TNS3: variants seen among roughly 807,000 people sequenced by gnomAD.
The protein encoded by TNS3 is tensin 3.
In TNS3, 45 loss-of-function variants were observed where a neutral mutation model predicts 140.9. The ratio of observed to expected loss-of-function variants is 0.32; its 90% CI spans 0.25 to 0.41. The LOEUF (loss-of-function observed/expected upper bound fraction) is 0.41, where lower values mean the gene tolerates loss of function less well. Among genes scored for constraint, TNS3 ranks in the 10% least tolerant of loss-of-function variants. The pLI is 1.00. For synonymous variants in TNS3, 815 were observed against 788.4 expected, an observed-to-expected ratio of 1.03 and a Z score of -0.56; for missense variants, 1,716 against 1,906.7, an observed-to-expected ratio of 0.90 and a Z score of 1.86.
chr7:47,520,849 G>A (rs1798948450), intron 2 of TNS3, among the ~76,000 whole-genome samples: 1 of 152,236 alleles, frequency 6.6e-6, no homozygotes. Flanking sequence ...CAACCCCAGG[G>A]TGGGGCTGGG....
At chr7:47,457,173 AGGGAG>A (rs1184307462) in intron 4 of TNS3, among the ~76,000 whole-genome samples, 3 of 1,480 alleles carry the variant, frequency 2.0e-3, no homozygotes, top group East Asian at 0.028. Flanking sequence ...GGGGAGGGGA[AGGGAG>A]GGGAGGGGAG....
intron 1 of TNS3, among the ~76,000 whole-genome samples, chr7:47,548,508 C>T (rs751474598): frequency 6.6e-6 from 1 of 152,204 alleles, no homozygotes; most frequent in Non-Finnish European, 1.5e-5. Context: ...ACACCTGTCC[C>T]TCATTTTATT....
intron 1 of TNS3, among the ~76,000 whole-genome samples, chr7:47,536,305 AG>A: frequency 1.3e-5 from 2 of 148,360 alleles, no homozygotes; most frequent in South Asian, 4.3e-4. Flanking sequence ...CCTAGCGGGG[AG>A]CCAACCAGCA....
chr7:47,528,126 G>C (rs1799265104), intron 2 of TNS3, among the ~76,000 whole-genome samples: 1 of 151,988 alleles, frequency 6.6e-6, no homozygotes. Flanking sequence ...TCAGAGGAGG[G>C]GCACCCCAGT....
intron 1 of TNS3, among the ~76,000 whole-genome samples, chr7:47,559,978 C>G (rs1377852308): frequency 6.6e-6 from 1 of 152,154 alleles, no homozygotes; most frequent in Admixed American, 6.5e-5. Context: ...CACTGGGGCC[C>G]CAAGGTAGGA....
intron 4 of TNS3, among the ~76,000 whole-genome samples, chr7:47,461,342 G>GGATCTGCTGTCTCCCTGTTC (rs1223806381): frequency 6.6e-6 from 1 of 152,210 alleles, no homozygotes; most frequent in Admixed American, 6.5e-5. Context: ...CACCAACCAT[G>GGATCTGCTGTCTCCCTGTTC]GATCTGCTGT....
intron 2 of TNS3, among the ~76,000 whole-genome samples, chr7:47,520,618 G>C (rs1004462457): frequency 6.6e-6 from 1 of 152,168 alleles, no homozygotes; most frequent in Non-Finnish European, 1.5e-5. Flanking sequence ...GTGTGGAGGC[G>C]GCTGAGAAAG....
chr7:47,429,833 T>A (rs1476664924), intron 8 of TNS3, among the ~76,000 whole-genome samples: 3 of 152,186 alleles, frequency 2.0e-5, no homozygotes, highest in African/African-American at 7.2e-5. Flanking sequence ...TACATGAAAG[T>A]CACCCAGGAG....
intron 9 of TNS3, 101 bp from the exon 10 acceptor site, chr7:47,424,285 T>A: frequency 8.8e-7 from 1 of 1,131,472 alleles, no homozygotes; most frequent in Non-Finnish European, 1.3e-6. Context: ...AGCGACCAGC[T>A]CCCACAAGGG....
At chr7:47,568,258 G>A (rs1800473927) in intron 1 of TNS3, among the ~76,000 whole-genome samples, 1 of 152,174 alleles carries the variant, frequency 6.6e-6, no homozygotes, top group Non-Finnish European at 1.5e-5. Flanking sequence ...ACATAGTCCT[G>A]AGCAGGCCAC....
intron 8 of TNS3, among the ~76,000 whole-genome samples, chr7:47,434,323 A>AC (rs1211772769): frequency 6.6e-6 from 1 of 151,936 alleles, no homozygotes; most frequent in Non-Finnish European, 1.5e-5. Flanking sequence ...AAAAAAAAAA[A>AC]AACTTCTATC....
intron 20 of TNS3, among the ~76,000 whole-genome samples, chr7:47,320,799 C>T (rs1443371286): frequency 2.6e-5 from 4 of 152,154 alleles, no homozygotes; most frequent in Non-Finnish European, 2.9e-5. Context: ...CACAATTCAG[C>T]CTAACACGAA....
intron 6 of TNS3, among the ~76,000 whole-genome samples, chr7:47,437,665 A>G (rs897683082): frequency 6.6e-6 from 1 of 150,882 alleles, no homozygotes; most frequent in African/African-American, 2.4e-5. Flanking sequence ...TACTTCTTCA[A>G]CTAGTATTAA....
chr7:47,427,318 T>C lies in TNS3; in HGVS notation c.389+994A>G, dbSNP rs935557093. Among the ~76,000 whole-genome samples, 5 of 151,962 alleles carry C rather than the reference T, an allele frequency of 3.3e-5. No individual in the cohort carries two copies. In the East Asian group the frequency reaches 9.6e-4, roughly 29 times the overall value. Reference sequence around the variant, plus strand: ...AGGGTATCTGATTTTCACTTGGGGGTTGGTTTCCTCCCTGGCAGGCACCAA... The same window carrying C: ...AGGGTATCTGATTTTCACTTGGGGGCTGGTTTCCTCCCTGGCAGGCACCAA... On this transcript the variant is annotated intron_variant, in intron 9 of 30. Transcript: ENST00000311160.
At chr7:47,372,460 C>T (rs575360993) in intron 16 of TNS3, among the ~76,000 whole-genome samples, 2 of 152,318 alleles carry the variant, frequency 1.3e-5, no homozygotes, top group East Asian at 3.9e-4. Context: ...TGGAATCCTT[C>T]AGCTAGCTCC....
chr7:47,500,205 G>C (rs1452607952), intron 3 of TNS3, among the ~76,000 whole-genome samples: 2 of 152,200 alleles, frequency 1.3e-5, no homozygotes, highest in Non-Finnish European at 2.9e-5. Flanking sequence ...CCTGTGGACA[G>C]CACGCTGCAT....
intron 16 of TNS3, among the ~76,000 whole-genome samples, chr7:47,388,634 G>A (rs1280351235): frequency 6.6e-6 from 1 of 152,158 alleles, no homozygotes; most frequent in South Asian, 2.1e-4. Context: ...GGAGGCCCAG[G>A]TGGGCAGATC....
chr7:47,369,190 CGTG>C lies in TNS3; in HGVS notation c.1453_1455del (p.His485del). ...CCAAGGCTGTCCACACTGTGCAGGT[CGTG>C]GTGGGGCATCTCGTCATCCAGAATG... On this transcript the variant is annotated inframe_deletion, in exon 17 of 31. Transcript: ENST00000311160. The C allele has an allele frequency of 6.2e-7, 1 of 1,614,188 alleles. No homozygotes were observed. Among genetic ancestry groups the C allele is most frequent in the African/African-American group, 1.3e-5 (1 of 75,072 alleles).
chr7:47,432,681 A>T (rs1236325616), intron 8 of TNS3, among the ~76,000 whole-genome samples: 2 of 152,164 alleles, frequency 1.3e-5, no homozygotes, highest in African/African-American at 4.8e-5. Context: ...CAACCATCCA[A>T]ACCTACCCCT....
Sources: gnomAD v4.1 joint callset for allele counts (sites outside exome capture counted in the v4.1 genomes callset) on GRCh38, gnomAD v4.1.1 for gene constraint, MANE v1.5 for transcripts, NCBI Gene and HGNC (gene_info 2026-07-23, HGNC 2026-07-21) for gene names.